The following MYZAP variants were observed in gnomAD, a reference collection of about 807,000 sequenced individuals.
MYZAP encodes the protein myocardial zonula adherens protein, also known as GRINL1A complex locus upstream.
MYZAP carries 66 observed loss-of-function variants against 69.4 expected under a neutral mutation model. That is an observed-to-expected ratio of 0.95 (90% CI 0.78 to 1.17). The LOEUF is 1.17. Among genes scored for constraint, MYZAP ranks in the 50% most tolerant of loss-of-function variants. The pLI is 0.00. For synonymous variants in MYZAP, 256 were observed against 205.9 expected, an observed-to-expected ratio of 1.24 and a Z score of -2.09; for missense variants, 611 against 556.2, an observed-to-expected ratio of 1.10 and a Z score of -0.99.
intron 11 of MYZAP, among the ~76,000 whole-genome samples, chr15:57,673,686 G>A (rs989214829): frequency 7.2e-5 from 11 of 152,162 alleles, no homozygotes; most frequent in South Asian, 4.2e-4. Flanking sequence ...TACATTGTAC[G>A]GAACATGGAT....
chr15:57,615,079 G>C (rs1357805518), intron 2 of MYZAP, among the ~76,000 whole-genome samples: 1 of 152,074 alleles, frequency 6.6e-6, no homozygotes, highest in African/African-American at 2.4e-5. Flanking sequence ...GTAGAGTCCT[G>C]GGGCCGTGCC....
intron 10 of MYZAP, among the ~76,000 whole-genome samples, chr15:57,656,724 C>G (rs2038027721): frequency 6.6e-6 from 1 of 152,164 alleles, no homozygotes; most frequent in Non-Finnish European, 1.5e-5. Context: ...CCTTAGCATC[C>G]TTAGTGCTCT....
chr15:57,615,616 G>A (rs2035385478), intron 2 of MYZAP, among the ~76,000 whole-genome samples: 1 of 152,236 alleles, frequency 6.6e-6, no homozygotes, highest in African/African-American at 2.4e-5. Flanking sequence ...GTCTGTGACT[G>A]AAAGATCTTG....
chr15:57,601,325 C>A (rs1014366353), intron 1 of MYZAP, among the ~76,000 whole-genome samples: 5 of 150,548 alleles, frequency 3.3e-5, no homozygotes, highest in African/African-American at 9.8e-5. Flanking sequence ...AAAAGGACTT[C>A]CTTTTCCCTG....
chr15:57,636,238 G>A (rs747591070), intron 8 of MYZAP, among the ~76,000 whole-genome samples: 9 of 152,052 alleles, frequency 5.9e-5, no homozygotes, highest in Non-Finnish European at 1.2e-4. Context: ...AGGGGCAGGA[G>A]GAATGTTCTG....
At chr15:57,604,228 ATGCTG>A in intron 1 of MYZAP, 36 bp from the exon 2 acceptor site, 2 of 1,608,682 alleles carry the variant, frequency 1.2e-6, no homozygotes, top group Non-Finnish European at 1.7e-6. Context: ...TCTGCCCCAA[ATGCTG>A]ACTCCTAACT....
At chr15:57,634,711 A>G (rs1223027557) in intron 8 of MYZAP, among the ~76,000 whole-genome samples, 3 of 152,252 alleles carry the variant, frequency 2.0e-5, no homozygotes, top group Non-Finnish European at 4.4e-5. Context: ...TTCAGAGCTC[A>G]CTGGGTGCTT....
At chr15:57,641,356 A>G (rs1253858978) in intron 10 of MYZAP, among the ~76,000 whole-genome samples, 1 of 152,212 alleles carries the variant, frequency 6.6e-6, no homozygotes, top group African/African-American at 2.4e-5. Flanking sequence ...GTGAAGGAGT[A>G]CACATACGTA....
intron 11 of MYZAP, among the ~76,000 whole-genome samples, chr15:57,670,116 G>C (rs2038797440): frequency 6.6e-6 from 1 of 151,964 alleles, no homozygotes; most frequent in South Asian, 2.1e-4. Flanking sequence ...AATACCAGTT[G>C]GGTTTAGGTG....
In MYZAP at chr15:57,660,715, C is replaced by T. The variant is rs1057289660; in HGVS notation, c.1120-735C>T. On this transcript the variant is annotated intron_variant, in intron 10 of 12. Transcript: ENST00000267853. ...TTAATGATCCTGCATACTGTTCCCA[C>T]TATTATGCATAACACGGCCTGGTAC... 1.8e-4 allele frequency among the ~76,000 whole-genome samples: 28 copies of T among 152,178 alleles called. 1 individual carries two copies. The highest frequency in any genetic ancestry group is 4.4e-5 in the Non-Finnish European group (3 of 68,036).
chr15:57,599,714 C>G, intron 1 of MYZAP: 2 of 1,288,306 alleles, frequency 1.6e-6, no homozygotes, highest in South Asian at 2.5e-5. Context: ...GTAAGGAATG[C>G]TGCCTTGATG....
chr15:57,593,600 C>T (rs913333060), intron 1 of MYZAP, among the ~76,000 whole-genome samples: 2 of 152,144 alleles, frequency 1.3e-5, no homozygotes, highest in East Asian at 3.8e-4. Flanking sequence ...TTGGGTCAAA[C>T]GTTTCCTTTG....
At chr15:57,665,905 A>T (rs1285883387) in intron 11 of MYZAP, among the ~76,000 whole-genome samples, 1 of 152,128 alleles carries the variant, frequency 6.6e-6, no homozygotes, top group East Asian at 1.9e-4. Flanking sequence ...TTTTACCCTG[A>T]CACCTCTGCT....
intron 1 of MYZAP, among the ~76,000 whole-genome samples, chr15:57,593,434 G>A (rs1190454436): frequency 2.6e-5 from 4 of 152,132 alleles, no homozygotes; most frequent in Non-Finnish European, 4.4e-5. Context: ...AGCTAACCCT[G>A]AGCCCTGAGA....
intron 10 of MYZAP, chr15:57,646,055 G>A (rs2037428732): frequency 2.5e-6 from 2 of 811,258 alleles, no homozygotes; most frequent in Admixed American, 2.4e-5. Context: ...CTCATAATTG[G>A]TAATTAGCCA....
At chr15:57,611,246 C>G (rs920906648) in intron 2 of MYZAP, among the ~76,000 whole-genome samples, 1 of 152,096 alleles carries the variant, frequency 6.6e-6, no homozygotes, top group Non-Finnish European at 1.5e-5. Flanking sequence ...CTTAGGGGCA[C>G]ACAGCTAGTA....
intron 2 of MYZAP, among the ~76,000 whole-genome samples, chr15:57,611,932 G>A (rs1186703013): frequency 6.6e-6 from 1 of 152,118 alleles, no homozygotes; most frequent in East Asian, 1.9e-4. Flanking sequence ...AGAGGTTTCA[G>A]TTTTTCTGAG....
intron 2 of MYZAP, among the ~76,000 whole-genome samples, chr15:57,606,591 G>T (rs1226547705): frequency 7.1e-6 from 1 of 140,548 alleles, no homozygotes; most frequent in East Asian, 2.4e-4. Flanking sequence ...GATGGGGGGA[G>T]GGGGGAGGGA....
intron 5 of MYZAP, 102 bp downstream of exon 5, chr15:57,625,994 A>T: frequency 2.0e-6 from 2 of 1,024,276 alleles, no homozygotes; most frequent in South Asian, 2.7e-5. Flanking sequence ...TTAGCTCATG[A>T]TTCAGAATTC....
Sources: allele counts gnomAD v4.1 joint callset (sites outside exome capture counted in the v4.1 genomes callset), GRCh38; gene constraint gnomAD v4.1.1; transcripts MANE v1.5; gene names NCBI Gene and HGNC (gene_info 2026-07-23, HGNC 2026-07-21).